Variants in KIF23 observed in about 807,000 individuals in gnomAD.
KIF23 encodes the protein kinesin-like protein KIF23.
A neutral mutation model predicts 137.5 loss-of-function variants in KIF23; 30 were observed. The observed-to-expected ratio is 0.22, with a 90% CI of 0.16 to 0.30. The LOEUF is 0.30. Ranked by LOEUF, KIF23 falls within the 10% of genes least tolerant of loss-of-function variation. KIF23 has a pLI of 1.00. For missense variants in KIF23, 920 were observed against 1,194.3 expected (o/e 0.77, Z 3.38); for synonymous variants, 367 against 391.1 (o/e 0.94, Z 0.73).
At chr15:69,417,937 T>C (rs1222867699) in intron 3 of KIF23, among the ~76,000 whole-genome samples, 1 of 152,216 alleles carries the variant, frequency 6.6e-6, no homozygotes, top group Non-Finnish European at 1.5e-5. Context: ...AAAAATATTG[T>C]TTAGCAAATG....
chr15:69,437,896 T>C (rs1189272015), intron 15 of KIF23, among the ~76,000 whole-genome samples: 1 of 152,258 alleles, frequency 6.6e-6, no homozygotes, highest in East Asian at 1.9e-4. Flanking sequence ...TAGTAAGTGA[T>C]GTTCCAAGGA....
intron 1 of KIF23, 76 bp from the exon 2 acceptor site, chr15:69,415,918 A>G (rs2056892425): frequency 2.9e-6 from 3 of 1,038,886 alleles, no homozygotes; most frequent in African/African-American, 1.7e-5. Flanking sequence ...GAAAGATTGT[A>G]TAAGTTTTAG....
At chr15:69,436,850 G>A in intron 15 of KIF23, 128 bp downstream of exon 15, 1 of 516,592 alleles carries the variant, frequency 1.9e-6, no homozygotes, top group Non-Finnish European at 3.2e-6. Context: ...CGCCTCCTGG[G>A]TTCAAGCGAT....
chr15:69,414,772 G>C (rs1167119834), intron 1 of KIF23: 1 of 356,858 alleles, frequency 2.8e-6, no homozygotes, highest in East Asian at 4.3e-5. Flanking sequence ...CGGTTCCCGG[G>C]GGCGGGGCAG....
chr15:69,437,090 A>G (rs1317581553), intron 15 of KIF23, among the ~76,000 whole-genome samples: 1 of 152,174 alleles, frequency 6.6e-6, no homozygotes, highest in African/African-American at 2.4e-5. Flanking sequence ...AATTGAAAGT[A>G]TTTTCAATGA....
intron 19 of KIF23, among the ~76,000 whole-genome samples, chr15:69,442,061 CT>C (rs1327289624): frequency 6.6e-6 from 1 of 151,964 alleles, no homozygotes; most frequent in African/African-American, 2.4e-5. Context: ...CACCAGCCAG[CT>C]TTTTTTTCAA....
chr15:69,417,228 A>G (rs979461542), intron 2 of KIF23, among the ~76,000 whole-genome samples, 155 bp from the exon 3 acceptor site: 7 of 152,212 alleles, frequency 4.6e-5, no homozygotes, highest in African/African-American at 1.7e-4. Flanking sequence ...GTCAATCTCA[A>G]GTAGCAGATT....
intron 23 of KIF23, among the ~76,000 whole-genome samples, chr15:69,447,427 A>C (rs2057763341): frequency 6.6e-6 from 1 of 152,180 alleles, no homozygotes. Context: ...ACTTATACTC[A>C]GGAGTCTGAC....
In KIF23 at chr15:69,425,319, T is replaced by G; in HGVS notation, c.772T>G (p.Phe258Val). 1.3e-6 allele frequency: 2 copies of G among 1,535,808 alleles called. No individual in the cohort carries two copies. The highest frequency in any genetic ancestry group is 1.7e-6 in the Non-Finnish European group (2 of 1,146,718). ...CAGCACACCCATGAGGAACACAGAT[T>G]TTGTGTATGTGATGGTGTTGGCTCT... ...SCSTPMRNTD[F>V]VPPQSKLLRE... Residue 258 changes from phenylalanine (F) to valine (V), a missense_variant, in exon 8 of 24, where the codon TTT (phenylalanine) becomes GTT (valine). Phe to Val is a conservative substitution (Grantham distance 50, BLOSUM62 -1). This residue lies in a region of KIF23 where 714 missense variants were observed against 866.2 expected (regional missense o/e 0.82). Coordinates refer to ENST00000679126, the MANE Select transcript of KIF23 (RefSeq NM_001367805.3).
At chr15:69,434,567 C>A in intron 11 of KIF23, 2 of 1,069,256 alleles carry the variant, frequency 1.9e-6, no homozygotes. Flanking sequence ...CTTTGTTGTC[C>A]TGGTCAAGAT....
intron 16 of KIF23, 83 bp downstream of exon 16, chr15:69,438,488 C>T (rs2057535679): frequency 7.9e-7 from 1 of 1,268,506 alleles, no homozygotes; most frequent in African/African-American, 1.5e-5. Flanking sequence ...CTCCAACGGC[C>T]TGTAAATGCT....
At chr15:69,431,958 T>G (rs2057365462) in intron 11 of KIF23, among the ~76,000 whole-genome samples, 2 of 152,214 alleles carry the variant, frequency 1.3e-5, no homozygotes, top group Admixed American at 1.3e-4. Context: ...CATTTGAATT[T>G]CATGAGAGTG....
intron 12 of KIF23, 42 bp from the exon 13 acceptor site, chr15:69,435,610 A>T (rs201953270): frequency 1.9e-6 from 3 of 1,611,628 alleles, no homozygotes; most frequent in African/African-American, 2.7e-5. Context: ...ATTTGTGTGC[A>T]TTTTTTTTGC....
chr15:69,436,261 G>C lies in KIF23; in HGVS notation c.1438G>C (p.Glu480Gln). The C allele has an allele frequency of 1.2e-6, 2 of 1,612,736 alleles. No homozygotes were observed. Among genetic ancestry groups the C allele is most frequent in the Non-Finnish European group, 1.7e-6 (2 of 1,179,594 alleles). The change falls in exon 14 of 24, where the codon GAA (glutamate) becomes CAA (glutamine). Residue 480 changes from glutamate to glutamine, a missense_variant and splice_region_variant. By Grantham distance (29) the Glu-to-Gln change is conservative. Coordinates refer to ENST00000679126, the MANE Select transcript of KIF23 (RefSeq NM_001367805.3). Reference sequence around the variant, plus strand: ...CCAGCCTCGAGGTCCAGTTGGAAATGGTATGATTTGGTGTTGTATCATTTG... The same window carrying C: ...CCAGCCTCGAGGTCCAGTTGGAAATCGTATGATTTGGTGTTGTATCATTTG... ...RNQPRGPVGN[E>Q]PLVTDVVLQS...
At chr15:69,432,071 C>T (rs997366741) in intron 11 of KIF23, among the ~76,000 whole-genome samples, 1 of 152,102 alleles carries the variant, frequency 6.6e-6, no homozygotes, top group African/African-American at 2.4e-5. Context: ...CTGGAAGAGG[C>T]AGGAAAATCT....
Position 69,440,847 on chromosome 15 carries a change from C to G in KIF23, c.2189C>G (p.Ser730Cys), listed in dbSNP as rs1354029691. The G allele has an allele frequency of 6.2e-7, 1 of 1,614,028 alleles. No individual in the cohort carries two copies. Among genetic ancestry groups the G allele is most frequent in the South Asian group, 1.1e-5 (1 of 91,080 alleles). ...CCACAGCTACATAGGCGCTCTAACT[C>G]TTGCAGCAGCATTTCTGTAGCTTCC... ...SQPQLHRRSNSCSSISVASCI... is the reference protein window; with the variant it reads ...SQPQLHRRSNCCSSISVASCI... Residue 730 changes from serine (S) to cysteine (C), a missense_variant, in exon 19 of 24, where the codon TCT (serine) becomes TGT (cysteine). Physicochemically the swap from Ser to Cys is moderately radical, Grantham distance 112. This residue lies in a region of KIF23 where 714 missense variants were observed against 866.2 expected (regional missense o/e 0.82). Transcript: ENST00000679126.
In KIF23 at chr15:69,440,080, G is replaced by A. The variant is rs1349178022; in HGVS notation, c.1929+3G>A. On this transcript the variant is annotated splice_donor_region_variant and intron_variant, in intron 17 of 23. Transcript: ENST00000679126. Reference sequence around the variant, plus strand: ...CAATGAAGTGGGAGAAAGAATGTGTGAGTATCGTTTGGGTAGTGCTTGTCT... The same window carrying A: ...CAATGAAGTGGGAGAAAGAATGTGTAAGTATCGTTTGGGTAGTGCTTGTCT... The A allele has an allele frequency of 2.5e-6, 4 of 1,613,134 alleles. No homozygotes were observed. The highest frequency in any genetic ancestry group is 2.2e-5 in the East Asian group (1 of 44,832).
At position 69,426,063 on chromosome 15, in the gene KIF23, C is replaced by T; in HGVS notation, c.777-7C>T. 1 of 1,538,170 alleles carries T rather than the reference C, an allele frequency of 6.5e-7. No individual in the cohort carries two copies. Among genetic ancestry groups the T allele is most frequent in the Non-Finnish European group, 8.7e-7 (1 of 1,149,096 alleles). On this transcript the variant is annotated splice_region_variant and splice_polypyrimidine_tract_variant and intron_variant, in intron 8 of 23. Transcript: ENST00000679126. ...TAGGAGACTAATCTTTTTTTTCTTT[C>T]CCATAGACCTCCACAATCTAAATTG...
At position 69,428,046 on chromosome 15, in the gene KIF23, C is replaced by G. The variant is rs547659108; in HGVS notation, c.1012-1065C>G. Among the ~76,000 whole-genome samples, 121 of 152,028 alleles carry G rather than the reference C, an allele frequency of 8.0e-4. No individual in the cohort carries two copies. The Middle Eastern group carries it at 0.014, about 17-fold the overall frequency. ...GGCCAAGACGGGTGGATCATGAGGTCGGGAGATTGAGACCATCCTGGCCAA... is the reference window on the plus strand; with the variant it reads ...GGCCAAGACGGGTGGATCATGAGGTGGGGAGATTGAGACCATCCTGGCCAA... On this transcript the variant is annotated intron_variant, in intron 10 of 23. Transcript: ENST00000679126.
Sources: gnomAD v4.1 joint callset for allele counts (sites outside exome capture counted in the v4.1 genomes callset) on GRCh38, gnomAD v4.1.1 for gene constraint, gnomAD v4.1.1 regional missense constraint, MANE v1.5 for transcripts, NCBI Gene and HGNC (gene_info 2026-07-23, HGNC 2026-07-21) for gene names.